Variants in PPP2R1B observed in about 807,000 individuals in gnomAD.
PPP2R1B encodes serine/threonine-protein phosphatase 2A 65 kDa regulatory subunit A beta isoform.
PPP2R1B carries 58 observed loss-of-function variants against 72.7 expected under a neutral mutation model. The observed-to-expected ratio is 0.80, with a 90% CI of 0.65 to 0.99. The LOEUF is 0.99. Ranked by LOEUF, PPP2R1B falls within the 50% of genes least tolerant of loss-of-function variation. The probability of loss-of-function intolerance (pLI) is 0.00; values close to 1 mark genes in which losing one functional copy is unlikely to be tolerated. For missense variants in PPP2R1B, 695 were observed against 733.6 expected, an observed-to-expected ratio of 0.95 and a Z score of 0.61; for synonymous variants, 256 against 264.6, an observed-to-expected ratio of 0.97 and a Z score of 0.32.
chr11:111,706,153 C>T, the PPP2R1B span, among the ~76,000 whole-genome samples: 3 of 152,146 alleles, frequency 2.0e-5, no homozygotes, highest in African/African-American at 7.2e-5. Flanking sequence ...AATGCTATGA[C>T]AATTAAATTA....
chr11:111,747,810 G>T (rs1157113056), intron 11 of PPP2R1B, 144 bp downstream of exon 11: 2 of 653,478 alleles, frequency 3.1e-6, no homozygotes, highest in East Asian at 6.0e-5. Flanking sequence ...TTTATATTCA[G>T]AAGATTAAAC....
chr11:111,717,973 A>G, the PPP2R1B span, among the ~76,000 whole-genome samples: 6 of 152,182 alleles, frequency 3.9e-5, no homozygotes, highest in African/African-American at 1.4e-4. Flanking sequence ...GCAGGGCTTA[A>G]TACCTAGGTG....
the PPP2R1B span, among the ~76,000 whole-genome samples, chr11:111,719,501 C>A: frequency 6.6e-6 from 1 of 151,554 alleles, no homozygotes; most frequent in African/African-American, 2.4e-5. Context: ...CTGGAAACCA[C>A]TAAAAAAGTT....
chr11:111,719,983 T>A, the PPP2R1B span: 1 of 1,613,900 alleles, frequency 6.2e-7, no homozygotes. Flanking sequence ...ACCAATCAAC[T>A]GGTCGTGATG....
chr11:111,728,632 G>A (rs897066408), intron 15 of PPP2R1B: 1 of 150,126 alleles, frequency 6.7e-6, no homozygotes, highest in Non-Finnish European at 1.5e-5. Context: ...ATGTATGAAA[G>A]ACAAGAGCAG....
At chr11:111,765,004 G>A (rs2136121730) in intron 2 of PPP2R1B, 99 bp from the exon 3 acceptor site, 14 of 1,516,836 alleles carry the variant, frequency 9.2e-6, no homozygotes, top group Non-Finnish European at 1.2e-5. Context: ...GACCAGGAAG[G>A]TGACCCAGTC....
At chr11:111,754,709 TAA>T (rs1555049031) in intron 7 of PPP2R1B, 140 bp from the exon 8 acceptor site, 1 of 1,413,382 alleles carries the variant, frequency 7.1e-7, no homozygotes, top group African/African-American at 1.5e-5. Context: ...TTGTTCTAAA[TAA>T]ACTTTTTCGT....
At chr11:111,714,065 G>T in the PPP2R1B span, among the ~76,000 whole-genome samples, 1 of 152,212 alleles carries the variant, frequency 6.6e-6, no homozygotes, top group Non-Finnish European at 1.5e-5. Flanking sequence ...GGAAAGTCCG[G>T]TTTAACTGTC....
downstream of PPP2R1B, chr11:111,723,875 C>A (rs149819706): frequency 6.5e-7 from 1 of 1,534,034 alleles, no homozygotes; most frequent in Non-Finnish European, 8.8e-7. Flanking sequence ...AGCCCCCTTA[C>A]AGTTCTCCTA....
At chr11:111,707,637 A>C in the PPP2R1B span, among the ~76,000 whole-genome samples, 3 of 152,188 alleles carry the variant, frequency 2.0e-5, no homozygotes, top group Non-Finnish European at 4.4e-5. Context: ...GAATTTGTTA[A>C]AAAATAGACT....
the PPP2R1B span, among the ~76,000 whole-genome samples, chr11:111,693,604 A>G: frequency 2.2e-3 from 342 of 152,316 alleles, 1 homozygote; most frequent in African/African-American, 7.9e-3. Flanking sequence ...CCAATCTAAA[A>G]TGTTTATAAT....
downstream of PPP2R1B, among the ~76,000 whole-genome samples, chr11:111,736,426 T>C (rs1462380825): frequency 2.0e-5 from 3 of 152,110 alleles, no homozygotes; most frequent in Non-Finnish European, 4.4e-5. Context: ...GCCTAAAAAA[T>C]GTGTAACTGT....
At chr11:111,688,020 C>A in the PPP2R1B span, 1 of 1,614,030 alleles carries the variant, frequency 6.2e-7, no homozygotes, top group African/African-American at 1.3e-5. This position sits in a 1 kb window ranked among gnomAD's most constrained non-coding sequence, Gnocchi z 4.2. Flanking sequence ...CTAATCATGG[C>A]CGGTTAAATG....
At chr11:111,766,037 G>C (rs1479379736) in intron 1 of PPP2R1B, 1 of 602,226 alleles carries the variant, frequency 1.7e-6, no homozygotes, top group Non-Finnish European at 3.0e-6. Context: ...GCCTCAGGGG[G>C]TCCGAAGCAA....
downstream of PPP2R1B, chr11:111,726,191 T>C (rs1047051601): frequency 1.3e-5 from 2 of 152,178 alleles, no homozygotes; most frequent in African/African-American, 4.8e-5. Flanking sequence ...ATTTGCGATA[T>C]TAAAATGCCT....
the PPP2R1B span, among the ~76,000 whole-genome samples, chr11:111,705,465 G>A: frequency 1.3e-5 from 2 of 152,128 alleles, no homozygotes; most frequent in African/African-American, 4.8e-5. The surrounding 1 kb of genome is among the most constrained non-coding windows in gnomAD (Gnocchi z 4.3). Context: ...GCACTGTTGG[G>A]GGTAAGATAT....
the PPP2R1B span, chr11:111,703,177 CT>C: frequency 6.2e-7 from 1 of 1,607,268 alleles, no homozygotes; most frequent in African/African-American, 1.3e-5. Flanking sequence ...ATTCTTGTGA[CT>C]TTTGTAACAT....
chr11:111,726,925 G>A, exon 16 of PPP2R1B: 1 of 1,593,518 alleles, frequency 6.3e-7, no homozygotes. Flanking sequence ...CAATATGTGT[G>A]GTACTTTATT....
Position 111,739,312 on chromosome 11 carries a change from A to G in PPP2R1B, c.*2284T>C, listed in dbSNP as rs1408420805. On this transcript the variant is annotated 3_prime_UTR_variant, in exon 15 of 15. Coordinates refer to ENST00000527614, the MANE Select transcript of PPP2R1B (RefSeq NM_002716.5). ...TAAAGCCTATATTCCAGTGAAATCA[A>G]GATAGGAGAACTTTTCCCTTAAGTT... 1 of 979,546 alleles carries G rather than the reference A, an allele frequency of 1.0e-6. No homozygotes were observed. The highest frequency in any genetic ancestry group is 1.2e-6 in the Non-Finnish European group (1 of 825,530). The allele number at this position is 979,546 out of a possible 1,614,324, so 60.7% of individuals were successfully genotyped here.
Sources: gnomAD v4.1 joint callset for allele counts (sites outside exome capture counted in the v4.1 genomes callset) on GRCh38, gnomAD v4.1.1 for gene constraint, Gnocchi (gnomAD v3.1) non-coding constraint, MANE v1.5 for transcripts, NCBI Gene and HGNC (gene_info 2026-07-23, HGNC 2026-07-21) for gene names.